CDH13: variants seen among roughly 807,000 people sequenced by gnomAD.
CDH13 encodes cadherin-13.
In CDH13, 24 loss-of-function variants were observed where a neutral mutation model predicts 63.8. The observed-to-expected ratio is 0.38, with a 90% CI of 0.27 to 0.53. The LOEUF is 0.53. Among genes scored for constraint, CDH13 ranks in the 20% least tolerant of loss-of-function variants. The pLI, the probability that CDH13 is intolerant of heterozygous loss-of-function variation, is 0.85. For synonymous variants in CDH13, 503 were observed against 355.3 expected, an observed-to-expected ratio of 1.42 and a Z score of -4.67; for missense variants, 1,049 against 903.1, an observed-to-expected ratio of 1.16 and a Z score of -2.07.
intron 6 of CDH13, among the ~76,000 whole-genome samples, chr16:83,403,495 C>T (rs993427200): frequency 1.1e-4 from 17 of 152,006 alleles, no homozygotes; most frequent in East Asian, 3.9e-4. Context: ...TGGTCGCGCG[C>T]GCCTGTAGTC....
intron 2 of CDH13, among the ~76,000 whole-genome samples, chr16:82,971,730 G>A (rs72790195): frequency 0.12 from 18,541 of 152,208 alleles, 1,312 homozygotes; most frequent in East Asian, 0.16. Context: ...GTCTGTTTAG[G>A]TAAGAATTAA....
intron 4 of CDH13, among the ~76,000 whole-genome samples, chr16:83,185,157 T>G (rs2038479492): frequency 1.3e-5 from 2 of 152,104 alleles, no homozygotes; most frequent in African/African-American, 2.4e-5. Context: ...GTGGCAGCAC[T>G]GAGATTTGTA....
intron 6 of CDH13, among the ~76,000 whole-genome samples, chr16:83,403,394 C>T (rs371289488): frequency 3.3e-5 from 5 of 151,956 alleles, no homozygotes; most frequent in South Asian, 4.2e-4. Flanking sequence ...GAGGCCGAGG[C>T]GGGTGGATCA....
intron 7 of CDH13, among the ~76,000 whole-genome samples, chr16:83,559,397 C>A (rs1441897987): frequency 6.6e-6 from 1 of 152,074 alleles, no homozygotes; most frequent in Non-Finnish European, 1.5e-5. Context: ...CATGGAGAAA[C>A]CCTGTCTCTA....
At chr16:83,573,983 G>A (rs1460181681) in intron 7 of CDH13, among the ~76,000 whole-genome samples, 1 of 152,104 alleles carries the variant, frequency 6.6e-6, no homozygotes, top group African/African-American at 2.4e-5. Flanking sequence ...AAGAGGAGAT[G>A]AGGATCCCCA....
At chr16:83,151,615 T>C (rs948707944) in intron 4 of CDH13, among the ~76,000 whole-genome samples, 2 of 152,168 alleles carry the variant, frequency 1.3e-5, no homozygotes, top group Non-Finnish European at 2.9e-5. Flanking sequence ...CAATCACTTA[T>C]TTTTCAAGGA....
At chr16:83,050,887 C>A (rs1025037979) in intron 3 of CDH13, among the ~76,000 whole-genome samples, 10 of 152,136 alleles carry the variant, frequency 6.6e-5, no homozygotes, top group African/African-American at 2.4e-4. Flanking sequence ...GAACCCACCA[C>A]CTTGTATTTG....
At chr16:83,313,874 G>A (rs919933490) in intron 5 of CDH13, among the ~76,000 whole-genome samples, 2 of 152,122 alleles carry the variant, frequency 1.3e-5, no homozygotes, top group Non-Finnish European at 2.9e-5. Flanking sequence ...AGGGTTTTAT[G>A]CATGACTTAC....
chr16:83,524,513 C>T lies in CDH13; in HGVS notation c.960+37858C>T, dbSNP rs755717293. Among the ~76,000 whole-genome samples the T allele has an allele frequency of 6.7e-4, 94 of 141,090 alleles. 1 individual carries two copies. Among genetic ancestry groups the T allele is most frequent in the African/African-American group, 2.1e-3 (80 of 37,354 alleles). The allele number at this position is 141,090 out of a possible 152,430, so 92.6% of individuals were successfully genotyped here. A position where few individuals can be genotyped will look rare whatever the true frequency, so the allele number is the denominator to read the frequency against. On this transcript the variant is annotated intron_variant, in intron 7 of 13. Transcript: ENST00000567109. ...TGTTGCCCAGGCTGGACTGCAGTGG[C>T]GCGCTCTCGGCTTACTGCAAGCTCC...
chr16:82,896,770 CTTTTTTTTT>C (rs71382855), intron 2 of CDH13, among the ~76,000 whole-genome samples: 1 of 55,554 alleles, frequency 1.8e-5, no homozygotes, highest in Non-Finnish European at 3.0e-5. Context: ...CTGTGCAATT[CTTTTTTTTT>C]TTTTTTTTTT....
intron 4 of CDH13, among the ~76,000 whole-genome samples, chr16:83,163,704 T>C (rs1231025458): frequency 1.3e-5 from 2 of 152,086 alleles, no homozygotes; most frequent in African/African-American, 4.8e-5. Context: ...AGCTGCAAAG[T>C]AGTGGAGGCT....
intron 2 of CDH13, among the ~76,000 whole-genome samples, chr16:82,865,723 C>T (rs961724792): frequency 6.6e-6 from 1 of 152,204 alleles, no homozygotes; most frequent in African/African-American, 2.4e-5. Context: ...AGCCCTGTTA[C>T]ACCATTGACT....
At chr16:83,330,235 G>A (rs779172337) in intron 5 of CDH13, among the ~76,000 whole-genome samples, 2 of 152,124 alleles carry the variant, frequency 1.3e-5, no homozygotes, top group African/African-American at 2.4e-5. Context: ...ACACACAGGT[G>A]CAAGTAAAAC....
At chr16:82,683,248 C>T (rs888931908) in intron 1 of CDH13, among the ~76,000 whole-genome samples, 2 of 152,312 alleles carry the variant, frequency 1.3e-5, no homozygotes, top group East Asian at 1.9e-4. Flanking sequence ...TTGCCCCTTT[C>T]TGTCCAGGTT....
chr16:83,455,038 C>T (rs2072984732), intron 6 of CDH13, among the ~76,000 whole-genome samples: 1 of 152,130 alleles, frequency 6.6e-6, no homozygotes, highest in African/African-American at 2.4e-5. Flanking sequence ...AATACTTCAG[C>T]TTATTTAATT....
chr16:82,647,366 C>T (rs1910217081), intron 1 of CDH13, among the ~76,000 whole-genome samples: 1 of 152,136 alleles, frequency 6.6e-6, no homozygotes, highest in African/African-American at 2.4e-5. Context: ...GTTTGAGTTT[C>T]CTCAAAAGCG....
chr16:83,405,561 C>G (rs890297076), intron 6 of CDH13, among the ~76,000 whole-genome samples: 1 of 152,156 alleles, frequency 6.6e-6, no homozygotes, highest in Admixed American at 6.6e-5. Context: ...GAATGTAGCC[C>G]TTTGGATTCA....
chr16:83,555,863 C>T (rs1043560697), intron 7 of CDH13, among the ~76,000 whole-genome samples: 2 of 152,220 alleles, frequency 1.3e-5, no homozygotes, highest in African/African-American at 4.8e-5. Context: ...CTGTACATGA[C>T]ATATCCATGC....
chr16:83,696,861 G>A (rs1036983214), intron 10 of CDH13, among the ~76,000 whole-genome samples: 12 of 152,004 alleles, frequency 7.9e-5, no homozygotes, highest in Admixed American at 2.6e-4. Context: ...CTCAGATCCC[G>A]TCTCTCCCCT....
Sources: gnomAD v4.1 joint callset for allele counts (sites outside exome capture counted in the v4.1 genomes callset) on GRCh38, gnomAD v4.1.1 for gene constraint, MANE v1.5 for transcripts, NCBI Gene and HGNC (gene_info 2026-07-23, HGNC 2026-07-21) for gene names.